The following VTI1A variants were observed in gnomAD, a reference collection of about 807,000 sequenced individuals.
The protein encoded by VTI1A is vesicle transport through interaction with t-SNAREs homolog 1A.
Under a neutral mutation model 34.9 loss-of-function variants are expected in VTI1A, and 22 were observed. The ratio of observed to expected loss-of-function variants is 0.63; its 90% confidence interval spans 0.45 to 0.90. VTI1A has a LOEUF of 0.90. VTI1A is among the 40% of genes least tolerant of loss of function. The pLI is 0.00. For synonymous variants in VTI1A, 87 were observed against 97.3 expected (o/e 0.89, Z 0.62); for missense variants, 268 against 275.6 (o/e 0.97, Z 0.20).
intron 7 of VTI1A, among the ~76,000 whole-genome samples, chr10:112,736,135 A>ATG (rs1850459289): frequency 1.4e-5 from 2 of 145,866 alleles, no homozygotes; most frequent in African/African-American, 5.0e-5. Context: ...ATATATATAT[A>ATG]TATGTAAATG....
intron 7 of VTI1A, among the ~76,000 whole-genome samples, chr10:112,789,115 C>G (rs1852383599): frequency 6.6e-6 from 1 of 152,146 alleles, no homozygotes; most frequent in African/African-American, 2.4e-5. Flanking sequence ...TATTTGCCTA[C>G]ATATTTACCA....
chr10:112,700,144 A>C (rs912124719), intron 7 of VTI1A, among the ~76,000 whole-genome samples: 13 of 150,944 alleles, frequency 8.6e-5, no homozygotes, highest in East Asian at 5.8e-4. Flanking sequence ...AACAAAACAA[A>C]AAAAAAAAAA....
chr10:112,618,524 T>TATATATATATATATAGAG (rs748276058), intron 5 of VTI1A, among the ~76,000 whole-genome samples: 4 of 34,578 alleles, frequency 1.2e-4, no homozygotes, highest in Non-Finnish European at 1.7e-4. Flanking sequence ...TATATATATA[T>TATATATATATATATAGAG]AGAGAGAGAG....
intron 5 of VTI1A, among the ~76,000 whole-genome samples, chr10:112,557,397 C>T (rs1203329538): frequency 1.3e-5 from 2 of 152,062 alleles, no homozygotes; most frequent in African/African-American, 4.8e-5. Context: ...TTCCGATGTT[C>T]AGCAGTAAAG....
At chr10:112,804,599 A>G (rs1050516824) in intron 7 of VTI1A, among the ~76,000 whole-genome samples, 1 of 152,186 alleles carries the variant, frequency 6.6e-6, no homozygotes. Flanking sequence ...CCAGGTAAAT[A>G]CCAGATTATG....
At chr10:112,629,191 T>C (rs2134609959) in intron 5 of VTI1A, among the ~76,000 whole-genome samples, 1 of 152,394 alleles carries the variant, frequency 6.6e-6, no homozygotes, top group East Asian at 1.9e-4. Context: ...TCATCATGGC[T>C]GCAGGCAGAG....
At chr10:112,485,537 A>G (rs1249180744) in intron 3 of VTI1A, among the ~76,000 whole-genome samples, 1 of 152,242 alleles carries the variant, frequency 6.6e-6, no homozygotes, top group Non-Finnish European at 1.5e-5. Flanking sequence ...AGACCAAACT[A>G]ATAAATTAAA....
In VTI1A at chr10:112,457,177, C is replaced by T. The variant is rs141476421; in HGVS notation, c.95-3347C>T. Among the ~76,000 whole-genome samples, 10 of 152,160 alleles carry T rather than the reference C, an allele frequency of 6.6e-5. No homozygotes were observed. The East Asian group carries it at 7.7e-4, about 12-fold the overall frequency. On this transcript the variant is annotated intron_variant, in intron 1 of 7. Transcript: ENST00000393077. ...GAAAGGATGCTCGGCTCTGAAATGT[C>T]GAGGACCTTAACTGCTAAGCTCAAC...
chr10:112,823,297 C>G (rs2134105050), downstream of VTI1A, among the ~76,000 whole-genome samples: 1 of 152,256 alleles, frequency 6.6e-6, no homozygotes, highest in East Asian at 1.9e-4. Context: ...TAGATCGGGG[C>G]CGACTTGGAG....
At chr10:112,748,805 A>C (rs978917117) in intron 7 of VTI1A, among the ~76,000 whole-genome samples, 11 of 146,226 alleles carry the variant, frequency 7.5e-5, no homozygotes, top group Non-Finnish European at 1.7e-4. Flanking sequence ...TTTTTTTTTT[A>C]TTTTTAGTAG....
chr10:112,739,120 T>C (rs1376794731), intron 7 of VTI1A, among the ~76,000 whole-genome samples: 1 of 152,192 alleles, frequency 6.6e-6, no homozygotes, highest in Non-Finnish European at 1.5e-5. Flanking sequence ...GGCATGCTGT[T>C]CCTGCCACCT....
chr10:112,778,271 T>C (rs937889558), intron 7 of VTI1A, among the ~76,000 whole-genome samples: 1 of 152,166 alleles, frequency 6.6e-6, no homozygotes, highest in Admixed American at 6.6e-5. Context: ...CATCCCCATG[T>C]TGTTGAACTG....
At chr10:112,482,606 G>C (rs1250350370) in intron 3 of VTI1A, among the ~76,000 whole-genome samples, 1 of 152,058 alleles carries the variant, frequency 6.6e-6, no homozygotes, top group African/African-American at 2.4e-5. Context: ...ATTTAAAATA[G>C]TCTCTTTGCA....
intron 7 of VTI1A, among the ~76,000 whole-genome samples, chr10:112,727,417 C>A (rs1398969135): frequency 7.5e-6 from 1 of 133,634 alleles, no homozygotes; most frequent in African/African-American, 3.5e-5. Context: ...CCTAATGATA[C>A]CCTGCAGGGA....
chr10:112,709,380 GC>G (rs1397325386), intron 7 of VTI1A, among the ~76,000 whole-genome samples: 2 of 152,106 alleles, frequency 1.3e-5, no homozygotes, highest in Admixed American at 1.3e-4. Flanking sequence ...CCCCCCTGGT[GC>G]TGTGGGCTGG....
intron 5 of VTI1A, among the ~76,000 whole-genome samples, chr10:112,576,175 C>T (rs1385473038): frequency 6.6e-6 from 1 of 152,056 alleles, no homozygotes; most frequent in Non-Finnish European, 1.5e-5. Context: ...CAACAGCCAC[C>T]GCGCCCGGCT....
At chr10:112,553,949 C>T (rs1309590179) in intron 5 of VTI1A, among the ~76,000 whole-genome samples, 1 of 152,146 alleles carries the variant, frequency 6.6e-6, no homozygotes, top group Non-Finnish European at 1.5e-5. Context: ...AGTTAAGACC[C>T]TAGCTATTAA....
At chr10:112,702,112 GGCTGTGGGGT>G (rs1387228754) in intron 7 of VTI1A, among the ~76,000 whole-genome samples, 1 of 152,094 alleles carries the variant, frequency 6.6e-6, no homozygotes, top group African/African-American at 2.4e-5. Context: ...CTTTGGGTAG[GGCTGTGGGGT>G]GCAGCAGTCC....
At chr10:112,479,990 G>T (rs549269521) in intron 3 of VTI1A, among the ~76,000 whole-genome samples, 13 of 152,280 alleles carry the variant, frequency 8.5e-5, no homozygotes, top group African/African-American at 3.1e-4. Context: ...AAAAGTATCT[G>T]TTAAATATTG....
Sources: allele counts gnomAD v4.1 joint callset (sites outside exome capture counted in the v4.1 genomes callset), GRCh38; gene constraint gnomAD v4.1.1; transcripts MANE v1.5; gene names NCBI Gene and HGNC (gene_info 2026-07-23, HGNC 2026-07-21).